The following MAGI1 variants were observed in gnomAD, a reference collection of about 807,000 sequenced individuals.
The protein encoded by MAGI1 is membrane-associated guanylate kinase, WW and PDZ domain-containing protein 1.
MAGI1 carries 58 observed loss-of-function variants against 139.9 expected under a neutral mutation model. The ratio of observed to expected loss-of-function variants is 0.41; its 90% CI spans 0.34 to 0.52. The LOEUF is 0.52. Ranked by LOEUF, MAGI1 falls within the 20% of genes least tolerant of loss-of-function variation. MAGI1 has a pLI of 0.12. For synonymous variants in MAGI1, 812 were observed against 737.9 expected, an observed-to-expected ratio of 1.10 and a Z score of -1.63; for missense variants, 1,874 against 1,901.6, an observed-to-expected ratio of 0.99 and a Z score of 0.27.
chr3:65,625,473 G>A (rs532883962), intron 1 of MAGI1, among the ~76,000 whole-genome samples: 9 of 152,224 alleles, frequency 5.9e-5, no homozygotes, highest in African/African-American at 2.2e-4. Context: ...TTATTAGCTG[G>A]TGAGTCTGAG....
chr3:65,748,276 A>T (rs1348562987), intron 1 of MAGI1, among the ~76,000 whole-genome samples: 1 of 152,198 alleles, frequency 6.6e-6, no homozygotes. Context: ...GTTGCTGAGA[A>T]CAGTGACATT....
At chr3:65,418,855 C>G (rs529497701) in intron 12 of MAGI1, among the ~76,000 whole-genome samples, 1 of 152,230 alleles carries the variant, frequency 6.6e-6, no homozygotes, top group African/African-American at 2.4e-5. Context: ...TTCATGGGTC[C>G]TGCCCTCAGG....
chr3:65,563,441 G>A (rs1250119603), intron 2 of MAGI1, among the ~76,000 whole-genome samples: 1 of 152,098 alleles, frequency 6.6e-6, no homozygotes, highest in Non-Finnish European at 1.5e-5. Context: ...CAGAAATGAT[G>A]GAATGTGATT....
At chr3:65,670,967 C>T (rs770789181) in intron 1 of MAGI1, among the ~76,000 whole-genome samples, 4 of 152,152 alleles carry the variant, frequency 2.6e-5, no homozygotes, top group Non-Finnish European at 5.9e-5. Context: ...CTGTTTTTAG[C>T]TGTTTTATGA....
chr3:65,672,505 G>A lies in MAGI1; in HGVS notation c.314-50417C>T, dbSNP rs374509605. Among the ~76,000 whole-genome samples the A allele has an allele frequency of 1.8e-4, 28 of 152,260 alleles. 1 individual carries two copies. The highest frequency in any genetic ancestry group is 6.3e-4 in the African/African-American group (26 of 41,562). On this transcript the variant is annotated intron_variant, in intron 1 of 22. Transcript: ENST00000402939. ...TTTATATACCCATGTGTAAAAATAGGATGAAAATGATTACATTTGAAAGTG... is the reference window on the plus strand; with the variant it reads ...TTTATATACCCATGTGTAAAAATAGAATGAAAATGATTACATTTGAAAGTG...
Position 65,391,194 on chromosome 3 carries a change from T to G in MAGI1, c.2364A>C (p.Lys788Asn), listed in dbSNP as rs1326912792. 3.1e-6 allele frequency: 5 copies of G among 1,613,888 alleles called. No individual in the cohort carries two copies. Among genetic ancestry groups the G allele is most frequent in the Non-Finnish European group, 3.4e-6 (4 of 1,180,010 alleles). ...GGGCCCAGATTTTAAAAGGATCTGG[T>G]TTTTTCTGGCCAGAGCTGTCAGTTT... ...PDQTDSSGQK[K>N]PDPFKIWAQS... The change falls in exon 14 of 23, where the codon AAA becomes AAC. Residue 788 changes from lysine to asparagine, a missense_variant. Lys to Asn is a moderately conservative substitution (Grantham distance 94, BLOSUM62 0). This residue lies in a region of MAGI1 where 482 missense variants were observed against 509.6 expected (regional missense o/e 0.95). Coordinates refer to ENST00000402939, the MANE Select transcript of MAGI1 (RefSeq NM_001033057.2).
At chr3:65,619,995 C>T (rs1576501920) in intron 2 of MAGI1, 2 of 985,198 alleles carry the variant, frequency 2.0e-6, no homozygotes, top group Non-Finnish European at 2.4e-6. Flanking sequence ...AGACAGAGTT[C>T]GTTTTTGCCC....
intron 4 of MAGI1, among the ~76,000 whole-genome samples, chr3:65,473,359 A>G (rs1950668009): frequency 6.6e-6 from 1 of 152,142 alleles, no homozygotes; most frequent in African/African-American, 2.4e-5. Flanking sequence ...TACATGGCAT[A>G]AGAACAGAAT....
intron 16 of MAGI1, among the ~76,000 whole-genome samples, chr3:65,380,358 T>G (rs1942945535): frequency 6.6e-6 from 1 of 152,220 alleles, no homozygotes; most frequent in South Asian, 2.1e-4. Context: ...TTTGGAAAAA[T>G]AAGCATAACA....
At chr3:65,935,374 G>C (rs138427462) in intron 1 of MAGI1, among the ~76,000 whole-genome samples, 1 of 152,164 alleles carries the variant, frequency 6.6e-6, no homozygotes, top group African/African-American at 2.4e-5. Context: ...GTAGAGGTCA[G>C]GCATGGTGGT....
chr3:65,710,575 C>A (rs1231112011), intron 1 of MAGI1, among the ~76,000 whole-genome samples: 2 of 152,052 alleles, frequency 1.3e-5, no homozygotes, highest in African/African-American at 2.4e-5. Context: ...CCGTGCCCAG[C>A]CTTAACCTTA....
chr3:65,694,282 T>C (rs1485054580), intron 1 of MAGI1, among the ~76,000 whole-genome samples: 1 of 152,204 alleles, frequency 6.6e-6, no homozygotes, highest in Non-Finnish European at 1.5e-5. Flanking sequence ...AGAAGTGTCA[T>C]ACACTGCACT....
intron 1 of MAGI1, among the ~76,000 whole-genome samples, chr3:65,779,495 G>A (rs1167132627): frequency 6.6e-6 from 1 of 152,172 alleles, no homozygotes; most frequent in African/African-American, 2.4e-5. Flanking sequence ...CTTGCATAAG[G>A]AACTGTGAGA....
intron 1 of MAGI1, among the ~76,000 whole-genome samples, chr3:65,731,690 A>T (rs569373689): frequency 6.6e-6 from 1 of 151,796 alleles, no homozygotes; most frequent in African/African-American, 2.4e-5. Flanking sequence ...AGAAAGAAAG[A>T]AATTTACATT....
intron 1 of MAGI1, among the ~76,000 whole-genome samples, chr3:65,895,419 G>A (rs981493297): frequency 3.3e-5 from 5 of 152,184 alleles, no homozygotes; most frequent in African/African-American, 1.2e-4. Context: ...GACACCTTCA[G>A]GTTTCAGAAA....
intron 1 of MAGI1, among the ~76,000 whole-genome samples, chr3:65,653,196 C>T (rs1167415193): frequency 3.3e-5 from 5 of 152,108 alleles, no homozygotes; most frequent in Non-Finnish European, 7.4e-5. Context: ...TCTTCCATAT[C>T]TTTCACAACA....
chr3:65,828,740 G>C (rs904004900), intron 1 of MAGI1, among the ~76,000 whole-genome samples: 1 of 152,170 alleles, frequency 6.6e-6, no homozygotes, highest in African/African-American at 2.4e-5. Context: ...CTTGAGATAC[G>C]GGGATTACTC....
intron 2 of MAGI1, among the ~76,000 whole-genome samples, chr3:65,565,511 T>C (rs1392282671): frequency 6.6e-6 from 1 of 152,154 alleles, no homozygotes; most frequent in Non-Finnish European, 1.5e-5. Context: ...GATCCTCAAC[T>C]TCTCCAGTAT....
In MAGI1 at chr3:65,375,275, G is replaced by A. The variant is rs1251458746; in HGVS notation, c.3196+470C>T. Among the ~76,000 whole-genome samples the A allele has an allele frequency of 1.0e-4, 15 of 149,144 alleles. No homozygotes were observed. The East Asian group carries it at 2.4e-3, about 24-fold the overall frequency. The stretch of plus-strand genomic sequence containing the variant: ...GCGATCTCAGCTCACTGCAAGCTCC[G>A]CCTCCCGGGTTCACACCATCCTCCT... On this transcript the variant is annotated intron_variant, in intron 18 of 22. Transcript: ENST00000402939.
Sources: gnomAD v4.1 joint callset for allele counts (sites outside exome capture counted in the v4.1 genomes callset) on GRCh38, gnomAD v4.1.1 for gene constraint, gnomAD v4.1.1 regional missense constraint, MANE v1.5 for transcripts, NCBI Gene and HGNC (gene_info 2026-07-23, HGNC 2026-07-21) for gene names.